CLIP1: variants seen among roughly 807,000 people sequenced by gnomAD.
The protein encoded by CLIP1 is CAP-Gly domain containing linker protein 1, also known as CAP-Gly domain-containing linker protein 1.
CLIP1 carries 66 observed loss-of-function variants against 161.6 expected under a neutral mutation model. The ratio of observed to expected loss-of-function variants is 0.41; its 90% CI spans 0.33 to 0.50. The LOEUF (loss-of-function observed/expected upper bound fraction) is 0.50. Among genes scored for constraint, CLIP1 ranks in the 20% least tolerant of loss-of-function variants. The probability of loss-of-function intolerance (pLI) is 0.27; values close to 1 mark genes in which losing one functional copy is unlikely to be tolerated. For missense variants in CLIP1, 1,376 were observed against 1,702.0 expected (o/e 0.81, Z 3.37); for synonymous variants, 598 against 626.2 (o/e 0.96, Z 0.67).
chr12:122,380,518 C>T lies in CLIP1; in HGVS notation c.-66G>A. 4.1e-6 allele frequency: 4 copies of T among 986,098 alleles called. No homozygotes were observed. The highest frequency in any genetic ancestry group is 6.4e-6 in the Non-Finnish European group (4 of 628,448). The allele number at this position is 986,098 out of a possible 1,614,324, so 61.1% of individuals were successfully genotyped here. On this transcript the variant is annotated 5_prime_UTR_variant, in exon 2 of 26. Coordinates refer to ENST00000620786, the MANE Select transcript of CLIP1 (RefSeq NM_001247997.2). ...CACTATCTTTCCCCAACCATTGATA[C>T]AACTGTGGGTTCTATAGTGAAGTCA...
chr12:122,312,330 G>A (rs551931879), intron 19 of CLIP1, among the ~76,000 whole-genome samples: 19 of 152,256 alleles, frequency 1.2e-4, no homozygotes, highest in Admixed American at 8.5e-4. Flanking sequence ...ATCTACAACT[G>A]AAAATAGGAG....
intron 20 of CLIP1, among the ~76,000 whole-genome samples, chr12:122,288,881 T>G (rs565540066): frequency 7.6e-4 from 113 of 148,178 alleles, no homozygotes; most frequent in Middle Eastern, 3.5e-3. Flanking sequence ...AGTGGCGTGA[T>G]CTCGGCTCAC....
intron 20 of CLIP1, among the ~76,000 whole-genome samples, chr12:122,301,571 G>C (rs1950679769): frequency 6.6e-6 from 1 of 152,192 alleles, no homozygotes; most frequent in Non-Finnish European, 1.5e-5. Context: ...GTACTCAGGA[G>C]GCTGAGGCAG....
At chr12:122,292,528 C>T (rs781267056) in intron 20 of CLIP1, among the ~76,000 whole-genome samples, 4 of 152,106 alleles carry the variant, frequency 2.6e-5, no homozygotes, top group African/African-American at 9.7e-5. Context: ...ATACTCTTTC[C>T]GTCCCAGCCC....
intron 14 of CLIP1, among the ~76,000 whole-genome samples, chr12:122,333,368 G>T (rs928627560): frequency 6.6e-6 from 1 of 152,184 alleles, no homozygotes; most frequent in Non-Finnish European, 1.5e-5. Flanking sequence ...AAAGGAGCTG[G>T]GAAGGAGGTT....
At chr12:122,360,052 G>A (rs1953698623) in intron 5 of CLIP1, among the ~76,000 whole-genome samples, 1 of 152,156 alleles carries the variant, frequency 6.6e-6, no homozygotes. Context: ...GAAAAAGAGG[G>A]AGAGAGGGAA....
chr12:122,401,730 G>A (rs148749685), intron 1 of CLIP1, among the ~76,000 whole-genome samples: 6 of 152,118 alleles, frequency 3.9e-5, no homozygotes, highest in Admixed American at 3.9e-4. Context: ...TGGGCATGCT[G>A]GCTCATGCCT....
At chr12:122,357,210 C>T (rs1444243011) in intron 5 of CLIP1, among the ~76,000 whole-genome samples, 1 of 150,304 alleles carries the variant, frequency 6.7e-6, no homozygotes, top group East Asian at 2.0e-4. Context: ...TCTGCCCGGC[C>T]GCCCATCGTC....
At chr12:122,412,849 C>T (rs1230076665) in intron 1 of CLIP1, among the ~76,000 whole-genome samples, 1 of 151,784 alleles carries the variant, frequency 6.6e-6, no homozygotes, top group Non-Finnish European at 1.5e-5. Context: ...AAAACTAATA[C>T]ATAAAGAAAA....
intron 1 of CLIP1, among the ~76,000 whole-genome samples, chr12:122,407,439 T>G (rs1388408889): frequency 1.3e-5 from 2 of 152,046 alleles, no homozygotes; most frequent in Non-Finnish European, 2.9e-5. Flanking sequence ...CCAGCCAAGG[T>G]GGTTCACACC....
At chr12:122,320,983 C>T (rs1951477340) in intron 17 of CLIP1, among the ~76,000 whole-genome samples, 1 of 151,208 alleles carries the variant, frequency 6.6e-6, no homozygotes, top group South Asian at 2.1e-4. Context: ...GCTGGGATTA[C>T]AGGTGTAAGC....
At chr12:122,389,257 C>T (rs1424888678) in intron 1 of CLIP1, among the ~76,000 whole-genome samples, 1 of 152,202 alleles carries the variant, frequency 6.6e-6, no homozygotes, top group Non-Finnish European at 1.5e-5. Flanking sequence ...AGAAATCTCT[C>T]AAGGGAAGAA....
chr12:122,419,723 G>A (rs1030840438), intron 1 of CLIP1, among the ~76,000 whole-genome samples: 4 of 151,342 alleles, frequency 2.6e-5, no homozygotes, highest in African/African-American at 9.7e-5. Context: ...ATCACTTGAG[G>A]TCAGGAGTTC....
chr12:122,287,655 C>T (rs1248970817), intron 21 of CLIP1, among the ~76,000 whole-genome samples: 1 of 152,098 alleles, frequency 6.6e-6, no homozygotes, highest in Non-Finnish European at 1.5e-5. Flanking sequence ...CATGAAGCTT[C>T]TACACAATTA....
chr12:122,412,682 T>C (rs1052806555), intron 1 of CLIP1, among the ~76,000 whole-genome samples: 1 of 152,028 alleles, frequency 6.6e-6, no homozygotes, highest in Non-Finnish European at 1.5e-5. Context: ...CCAAAGTACA[T>C]ACTCTAAAGT....
At chr12:122,360,846 G>GC in intron 5 of CLIP1, 113 bp downstream of exon 5, 1 of 833,608 alleles carries the variant, frequency 1.2e-6, no homozygotes, top group South Asian at 2.3e-5. Flanking sequence ...AAAGCTGTGA[G>GC]CAACATTCAG....
intron 1 of CLIP1, among the ~76,000 whole-genome samples, chr12:122,412,225 CCTGG>C (rs1228008000): frequency 1.3e-5 from 2 of 151,348 alleles, no homozygotes; most frequent in African/African-American, 4.8e-5. Flanking sequence ...CACAACCATC[CCTGG>C]CTAACTTTTG....
intron 24 of CLIP1, chr12:122,275,644 GCACACACACACACA>G (rs71082958): frequency 4.1e-5 from 6 of 147,538 alleles, no homozygotes; most frequent in African/African-American, 1.5e-4. Flanking sequence ...ACACACACGC[GCACACACACACACA>G]CACACACACA....
intron 1 of CLIP1, among the ~76,000 whole-genome samples, chr12:122,388,288 C>G (rs964092213): frequency 6.6e-6 from 1 of 151,440 alleles, no homozygotes; most frequent in Non-Finnish European, 1.5e-5. Context: ...GGCGCGATCT[C>G]GGCTCACTGC....
Sources: allele counts gnomAD v4.1 joint callset (sites outside exome capture counted in the v4.1 genomes callset), GRCh38; gene constraint gnomAD v4.1.1; transcripts MANE v1.5; gene names NCBI Gene and HGNC (gene_info 2026-07-23, HGNC 2026-07-21).